PLCE1: variants seen among roughly 807,000 people sequenced by gnomAD.
PLCE1 encodes phospholipase C epsilon 1, also known as 1-phosphatidylinositol 4,5-bisphosphate phosphodiesterase epsilon-1.
Under a neutral mutation model 242.8 loss-of-function variants are expected in PLCE1, and 119 were observed. The ratio of observed to expected loss-of-function variants is 0.49; its 90% confidence interval spans 0.42 to 0.57. The LOEUF is 0.57. PLCE1 is among the 20% of genes least tolerant of loss of function. PLCE1 has a pLI of 0.00. For missense variants in PLCE1, 2,441 were observed against 2,788.8 expected (o/e 0.88, Z 2.81); for synonymous variants, 945 against 1,017.4 (o/e 0.93, Z 1.35).
chr10:94,196,554 G>T (rs1381811788), intron 4 of PLCE1, among the ~76,000 whole-genome samples: 1 of 152,186 alleles, frequency 6.6e-6, no homozygotes, highest in Non-Finnish European at 1.5e-5. Flanking sequence ...GGGAAGCCAA[G>T]TCAGGAGGAT....
At chr10:93,997,609 A>C (rs2060850031) in intron 1 of PLCE1, among the ~76,000 whole-genome samples, 1 of 146,146 alleles carries the variant, frequency 6.8e-6, no homozygotes, top group Non-Finnish European at 1.5e-5. Context: ...CTCTGGGCTC[A>C]TGACCCAAAA....
At position 94,270,480 on chromosome 10, in the gene PLCE1, T is replaced by C. The variant is rs564784915; in HGVS notation, c.4390-6T>C. 1.3e-5 allele frequency: 21 copies of C among 1,596,412 alleles called. No individual in the cohort carries two copies. The African/African-American group carries it at 2.1e-4, about 16-fold the overall frequency. On this transcript the variant is annotated splice_polypyrimidine_tract_variant and splice_region_variant and intron_variant, in intron 17 of 32. Coordinates refer to ENST00000371380, the MANE Select transcript of PLCE1 (RefSeq NM_016341.4). ...GGACTCTAATGAGCTGTTTTGGCTC[T>C]CATAGGAAGTGGTTGAAGCCATTGA...
Position 94,116,705 on chromosome 10 carries a change from AT to A in PLCE1, c.1207-15461del, listed in dbSNP as rs543056773. On this transcript the variant is annotated intron_variant, in intron 2 of 32. Transcript: ENST00000371380. The stretch of plus-strand genomic sequence containing the variant: ...GTGAGACTCTGTCTCAAAAAAAAAA[AT>A]TTTTTTTAAGAATATTTGCAGGGTA... Among the ~76,000 whole-genome samples, 19 of 152,074 alleles carry A rather than the reference AT, an allele frequency of 1.2e-4. No individual in the cohort carries two copies. In the South Asian group the frequency reaches 1.5e-3, roughly 12 times the overall value.
chr10:94,253,155 A>G (rs1296403754), intron 9 of PLCE1, among the ~76,000 whole-genome samples: 1 of 152,228 alleles, frequency 6.6e-6, no homozygotes, highest in East Asian at 1.9e-4. Flanking sequence ...GTTGCTATAA[A>G]GAAATACTTG....
At chr10:94,057,671 A>T (rs546607444) in intron 2 of PLCE1, among the ~76,000 whole-genome samples, 57 of 152,346 alleles carry the variant, frequency 3.7e-4, no homozygotes, top group Admixed American at 5.2e-4. Flanking sequence ...ACTTATATGT[A>T]TTAGTTCTAT....
intron 2 of PLCE1, among the ~76,000 whole-genome samples, chr10:94,043,330 C>G (rs1301329136): frequency 1.3e-5 from 2 of 152,204 alleles, no homozygotes; most frequent in African/African-American, 4.8e-5. Context: ...TTTCAGGGTG[C>G]TGGCATGAAT....
chr10:94,083,433 A>G (rs2044712281), intron 2 of PLCE1, among the ~76,000 whole-genome samples: 1 of 152,164 alleles, frequency 6.6e-6, no homozygotes, highest in African/African-American at 2.4e-5. Context: ...AAACAACTCT[A>G]TAAAGGAGGC....
chr10:94,311,244 T>C (rs1259735514), intron 27 of PLCE1, among the ~76,000 whole-genome samples: 1 of 152,210 alleles, frequency 6.6e-6, no homozygotes, highest in Non-Finnish European at 1.5e-5. Flanking sequence ...TATTGGCCAC[T>C]GGTGATCAGT....
chr10:94,021,236 T>G (rs893558159), intron 1 of PLCE1, among the ~76,000 whole-genome samples: 3 of 151,532 alleles, frequency 2.0e-5, no homozygotes, highest in South Asian at 2.1e-4. Flanking sequence ...TAATGGTTTT[T>G]TTTTTTTTTT....
intron 29 of PLCE1, among the ~76,000 whole-genome samples, chr10:94,317,538 A>G (rs1184092782): frequency 6.6e-6 from 1 of 152,170 alleles, no homozygotes; most frequent in African/African-American, 2.4e-5. Context: ...TACAAGTAAA[A>G]TAATAATATT....
At chr10:94,256,857 G>C (rs1167483772) in intron 11 of PLCE1, among the ~76,000 whole-genome samples, 1 of 152,162 alleles carries the variant, frequency 6.6e-6, no homozygotes, top group African/African-American at 2.4e-5. Context: ...TGCTATTAAG[G>C]GAGAAAGCTA....
chr10:94,015,971 G>A (rs533573310), intron 1 of PLCE1, among the ~76,000 whole-genome samples: 1 of 152,278 alleles, frequency 6.6e-6, no homozygotes, highest in South Asian at 2.1e-4. Context: ...TTTGTTGAAT[G>A]AGTGAATGAA....
intron 8 of PLCE1, among the ~76,000 whole-genome samples, 180 bp downstream of exon 8, chr10:94,246,801 A>G (rs1239867959): frequency 6.6e-6 from 1 of 152,114 alleles, no homozygotes; most frequent in African/African-American, 2.4e-5. Flanking sequence ...GGAAATAATA[A>G]CACCTGCTCA....
rs958046079 is a variant in PLCE1 at position 94,296,865 on chromosome 10, T to C, written c.5168-1514T>C. Among the ~76,000 whole-genome samples the C allele has an allele frequency of 1.3e-5, 2 of 152,162 alleles. 1 individual carries two copies. Among genetic ancestry groups the C allele is most frequent in the Admixed American group, 1.3e-4 (2 of 15,278 alleles). ...CACTAAGCTTAATTATTTCTAGCTT[T>C]TTATTTCTTTCTTTCTTTTTTTTTT... On this transcript the variant is annotated intron_variant, in intron 23 of 32. Transcript: ENST00000371380.
intron 4 of PLCE1, among the ~76,000 whole-genome samples, chr10:94,187,258 G>A (rs1170578548): frequency 1.3e-5 from 2 of 151,664 alleles, no homozygotes; most frequent in African/African-American, 4.9e-5. Flanking sequence ...AGAAACATGG[G>A]CATTAAATTC....
intron 2 of PLCE1, among the ~76,000 whole-genome samples, chr10:94,033,429 A>G (rs1428700370): frequency 1.3e-5 from 2 of 152,262 alleles, no homozygotes; most frequent in South Asian, 4.1e-4. Flanking sequence ...TAGGATATCT[A>G]TCACAACTGT....
At chr10:94,095,215 A>G (rs2045260557) in intron 2 of PLCE1, among the ~76,000 whole-genome samples, 2 of 152,248 alleles carry the variant, frequency 1.3e-5, no homozygotes, top group Admixed American at 1.3e-4. Flanking sequence ...AATGACAGGC[A>G]CATTCAAGAA....
intron 4 of PLCE1, among the ~76,000 whole-genome samples, chr10:94,190,724 C>T (rs1220988848): frequency 6.6e-6 from 1 of 152,212 alleles, no homozygotes; most frequent in Non-Finnish European, 1.5e-5. Context: ...TCATCATCAT[C>T]GTCATCATCT....
chr10:93,996,442 G>A (rs1435494193), intron 1 of PLCE1, among the ~76,000 whole-genome samples: 2 of 152,186 alleles, frequency 1.3e-5, no homozygotes, highest in African/African-American at 4.8e-5. Context: ...CTGGAAGAGG[G>A]GTGGAAGGTT....
Sources: gnomAD v4.1 joint callset for allele counts (sites outside exome capture counted in the v4.1 genomes callset) on GRCh38, gnomAD v4.1.1 for gene constraint, MANE v1.5 for transcripts, NCBI Gene and HGNC (gene_info 2026-07-23, HGNC 2026-07-21) for gene names.